RIT2: variants seen among roughly 807,000 people sequenced by gnomAD.
RIT2 encodes the protein GTP-binding protein Rit2.
RIT2 carries 24 observed loss-of-function variants against 23.7 expected under a neutral mutation model. That is an observed-to-expected ratio of 1.01 (90% CI 0.73 to 1.43). RIT2 has a LOEUF of 1.43. Among genes scored for constraint, RIT2 ranks in the 40% most tolerant of loss-of-function variants. RIT2 has a pLI of 0.00. For missense variants in RIT2, 236 were observed against 266.9 expected (o/e 0.88, Z 0.81); for synonymous variants, 107 against 91.1 (o/e 1.17, Z -0.99).
At chr18:42,847,688 T>C (rs1466731490) in intron 4 of RIT2, among the ~76,000 whole-genome samples, 4 of 151,940 alleles carry the variant, frequency 2.6e-5, no homozygotes, top group African/African-American at 9.7e-5. Flanking sequence ...GCTGGAGAGA[T>C]AGTTGGAATT....
At chr18:42,941,367 A>G (rs1407237686) in intron 3 of RIT2, among the ~76,000 whole-genome samples, 1 of 151,906 alleles carries the variant, frequency 6.6e-6, no homozygotes, top group Non-Finnish European at 1.5e-5. Context: ...CCCCTCTCCA[A>G]TGCATAATTT....
intron 2 of RIT2, among the ~76,000 whole-genome samples, chr18:43,009,578 CTCT>C (rs1403953817): frequency 2.0e-5 from 3 of 151,668 alleles, no homozygotes; most frequent in African/African-American, 7.3e-5. Flanking sequence ...AACCCGTCCC[CTCT>C]TCTTCTTGGA....
At chr18:42,926,060 T>A (rs769481416) in intron 3 of RIT2, among the ~76,000 whole-genome samples, 9 of 151,792 alleles carry the variant, frequency 5.9e-5, no homozygotes, top group Non-Finnish European at 1.2e-4. Context: ...CACAGATTTA[T>A]CTATACCTGA....
chr18:42,767,776 T>C (rs1457785389), intron 4 of RIT2, among the ~76,000 whole-genome samples: 1 of 152,174 alleles, frequency 6.6e-6, no homozygotes, highest in East Asian at 1.9e-4. Context: ...AATTGAATCA[T>C]GAAAGTCAGT....
chr18:42,947,898 T>C (rs1401460334), intron 3 of RIT2, among the ~76,000 whole-genome samples: 1 of 152,122 alleles, frequency 6.6e-6, no homozygotes, highest in African/African-American at 2.4e-5. Context: ...GCTATTACTT[T>C]AAGATATATT....
At chr18:43,043,527 C>T (rs970936270) in intron 1 of RIT2, among the ~76,000 whole-genome samples, 1 of 152,164 alleles carries the variant, frequency 6.6e-6, no homozygotes, top group Non-Finnish European at 1.5e-5. Flanking sequence ...CCTGGTGGCT[C>T]ACGCTTGTAA....
intron 4 of RIT2, among the ~76,000 whole-genome samples, chr18:42,762,210 G>C (rs1421298369): frequency 1.3e-5 from 2 of 152,116 alleles, no homozygotes; most frequent in Non-Finnish European, 2.9e-5. Context: ...ATTTCCTTCT[G>C]TACAATAACT....
chr18:42,972,738 C>G (rs1454127373), intron 3 of RIT2, among the ~76,000 whole-genome samples: 1 of 151,678 alleles, frequency 6.6e-6, no homozygotes, highest in Non-Finnish European at 1.5e-5. Flanking sequence ...ATCAAATAAT[C>G]AATCTTTTAC....
chr18:43,032,214 G>A (rs950138859), intron 2 of RIT2, among the ~76,000 whole-genome samples: 2 of 151,996 alleles, frequency 1.3e-5, no homozygotes, highest in African/African-American at 4.8e-5. Flanking sequence ...TGATAGATGT[G>A]TCTCATGGAT....
intron 1 of RIT2, among the ~76,000 whole-genome samples, chr18:43,038,333 ATTG>A (rs1015788789): frequency 1.0e-5 from 1 of 99,514 alleles, no homozygotes; most frequent in African/African-American, 3.7e-5. Flanking sequence ...TTTTTTACAT[ATTG>A]TTGTTTTTAT....
chr18:42,879,606 T>C (rs1907835072), intron 4 of RIT2, among the ~76,000 whole-genome samples: 2 of 152,096 alleles, frequency 1.3e-5, no homozygotes, highest in Non-Finnish European at 2.9e-5. Context: ...CATAACAGTA[T>C]ATTTTGTTAC....
intron 4 of RIT2, among the ~76,000 whole-genome samples, chr18:42,907,978 AT>A (rs1252349504): frequency 1.6e-4 from 25 of 152,148 alleles, no homozygotes; most frequent in African/African-American, 5.8e-4. Context: ...AAAAAAAAAA[AT>A]TAAGGCAACC....
At chr18:43,081,696 T>C (rs1376514460) in intron 1 of RIT2, among the ~76,000 whole-genome samples, 2 of 152,138 alleles carry the variant, frequency 1.3e-5, no homozygotes, top group Admixed American at 1.3e-4. Context: ...CTCAGGTCTT[T>C]TTATTTCCTG....
chr18:43,100,083 T>C lies in RIT2; in HGVS notation c.103+15334A>G, dbSNP rs1463219047. 2.0e-5 allele frequency among the ~76,000 whole-genome samples: 3 copies of C among 152,074 alleles called. No individual in the cohort carries two copies. The East Asian group carries it at 5.8e-4, about 29-fold the overall frequency. ...CAATAACTAGTAACATAATCAGTTATTACATTGGAAAGCAATAGGTGCTAT... is the reference window on the plus strand; with the variant it reads ...CAATAACTAGTAACATAATCAGTTACTACATTGGAAAGCAATAGGTGCTAT... On this transcript the variant is annotated intron_variant, in intron 1 of 4. Transcript: ENST00000326695.
chr18:42,798,808 A>G (rs1196763273), intron 4 of RIT2, among the ~76,000 whole-genome samples: 2 of 152,204 alleles, frequency 1.3e-5, no homozygotes, highest in African/African-American at 4.8e-5. Context: ...TTTATTCACA[A>G]GGACTTAATT....
At chr18:43,034,759 G>C (rs1404519807) in intron 1 of RIT2, among the ~76,000 whole-genome samples, 2 of 152,120 alleles carry the variant, frequency 1.3e-5, no homozygotes, top group Non-Finnish European at 2.9e-5. Flanking sequence ...ATCCTGCTAA[G>C]TCAGTTTAGA....
At chr18:42,834,331 A>G (rs1341348145) in intron 4 of RIT2, among the ~76,000 whole-genome samples, 3 of 152,206 alleles carry the variant, frequency 2.0e-5, no homozygotes, top group Non-Finnish European at 2.9e-5. Context: ...TTCTGGGTAC[A>G]TGGACAATTC....
chr18:42,967,531 G>A (rs1248540312), intron 3 of RIT2, among the ~76,000 whole-genome samples: 1 of 139,472 alleles, frequency 7.2e-6, no homozygotes, highest in Non-Finnish European at 1.5e-5. Flanking sequence ...CACCACGCCC[G>A]GCTAATTTTT....
At chr18:42,972,546 C>T (rs908836830) in intron 3 of RIT2, among the ~76,000 whole-genome samples, 1 of 151,790 alleles carries the variant, frequency 6.6e-6, no homozygotes, top group South Asian at 2.1e-4. Flanking sequence ...AGGTTTTCAA[C>T]TTAATAATTT....
Sources: allele counts gnomAD v4.1 joint callset (sites outside exome capture counted in the v4.1 genomes callset), GRCh38; gene constraint gnomAD v4.1.1; transcripts MANE v1.5; gene names NCBI Gene and HGNC (gene_info 2026-07-23, HGNC 2026-07-21).